ADAM10: variants seen among roughly 807,000 people sequenced by gnomAD.
ADAM10 encodes the protein disintegrin and metalloproteinase domain-containing protein 10.
A neutral mutation model predicts 90.1 loss-of-function variants in ADAM10; 17 were observed. The ratio of observed to expected loss-of-function variants is 0.19; its 90% CI spans 0.13 to 0.28. The LOEUF is 0.28. ADAM10 is among the 10% of genes least tolerant of loss of function. The pLI is 1.00. For synonymous variants in ADAM10, 310 were observed against 298.6 expected (o/e 1.04, Z -0.40); for missense variants, 610 against 914.3 (o/e 0.67, Z 4.29).
At position 58,594,059 on chromosome 15, in the gene ADAM10, T is replaced by G. The variant is rs184739052; in HGVS notation, c.*3488A>C. The G allele has an allele frequency of 3.9e-5, 6 of 152,340 alleles. No individual in the cohort carries two copies. The highest frequency in any genetic ancestry group is 8.8e-5 in the Non-Finnish European group (6 of 68,024). The allele number at this position is 152,340 out of a possible 1,614,324, so 9.4% of individuals were successfully genotyped here. ...TGGGGCAAACCAATTGTCTTTCTAG[T>G]TTCTAAGAAGTTGAAAGTGGTTTTG... On this transcript the variant is annotated 3_prime_UTR_variant, in exon 16 of 16. Transcript: ENST00000260408.
At chr15:58,712,369 T>C (rs1201173121) in intron 2 of ADAM10, among the ~76,000 whole-genome samples, 2 of 149,754 alleles carry the variant, frequency 1.3e-5, no homozygotes, top group African/African-American at 4.9e-5. Flanking sequence ...AAAAAAAATA[T>C]GAAAATTAGC....
At chr15:58,715,606 A>G (rs1898632412) in intron 2 of ADAM10, among the ~76,000 whole-genome samples, 1 of 152,126 alleles carries the variant, frequency 6.6e-6, no homozygotes, top group Non-Finnish European at 1.5e-5. Context: ...AACTGCTCCT[A>G]TGAGATCTAT....
intron 2 of ADAM10, among the ~76,000 whole-genome samples, chr15:58,710,242 C>CGTAG: frequency 6.6e-6 from 1 of 152,322 alleles, no homozygotes. Flanking sequence ...CACACCACTA[C>CGTAG]ACCCCAGCCT....
chr15:58,726,888 A>T (rs1899049521), intron 1 of ADAM10, among the ~76,000 whole-genome samples: 2 of 133,858 alleles, frequency 1.5e-5, no homozygotes, highest in Non-Finnish European at 3.2e-5. Context: ...AGGGGAGGGG[A>T]GAGGAGGGGA....
chr15:58,631,144 G>A (rs915283298), intron 9 of ADAM10, among the ~76,000 whole-genome samples: 1 of 152,074 alleles, frequency 6.6e-6, no homozygotes, highest in Non-Finnish European at 1.5e-5. Context: ...GCAGCCTGAG[G>A]CCCTTACCAG....
chr15:58,612,843 T>C (rs1442566545), intron 11 of ADAM10, among the ~76,000 whole-genome samples: 2 of 152,096 alleles, frequency 1.3e-5, no homozygotes, highest in Non-Finnish European at 2.9e-5. Flanking sequence ...GAGTCACAGA[T>C]CCTGGTGCTA....
At chr15:58,637,562 GTA>G (rs1896293789) in intron 8 of ADAM10, among the ~76,000 whole-genome samples, 1 of 152,108 alleles carries the variant, frequency 6.6e-6, no homozygotes, top group African/African-American at 2.4e-5. Context: ...TTATAGCTTA[GTA>G]TGATTTTATA....
At chr15:58,733,127 C>G (rs1277673061) in intron 1 of ADAM10, 1 of 152,256 alleles carries the variant, frequency 6.6e-6, no homozygotes, top group Non-Finnish European at 1.5e-5. Flanking sequence ...AGAGTTCACA[C>G]TGGACAGAGG....
intron 14 of ADAM10, 47 bp from the exon 15 acceptor site, chr15:58,599,771 T>C (rs1252845037): frequency 6.4e-7 from 1 of 1,554,712 alleles, no homozygotes; most frequent in Admixed American, 1.7e-5. Flanking sequence ...AACTACAAAA[T>C]ATTTTAGAGT....
At chr15:58,717,492 A>G (rs1898700575) in intron 2 of ADAM10, 85 bp downstream of exon 2, 1 of 1,552,124 alleles carries the variant, frequency 6.4e-7, no homozygotes. Flanking sequence ...GCATTAGAGA[A>G]GGAAAATTAA....
At chr15:58,721,564 C>T (rs1399086178) in intron 1 of ADAM10, among the ~76,000 whole-genome samples, 1 of 152,144 alleles carries the variant, frequency 6.6e-6, no homozygotes, top group Non-Finnish European at 1.5e-5. Context: ...CTGCCCCCAC[C>T]CCACACACAC....
chr15:58,612,066 A>T, intron 11 of ADAM10, 75 bp from the exon 12 acceptor site: 1 of 1,380,452 alleles, frequency 7.2e-7, no homozygotes, highest in South Asian at 1.2e-5. Flanking sequence ...ATTAGATTAG[A>T]TCCACATTAT....
At chr15:58,660,636 A>C (rs534890200) in intron 5 of ADAM10, among the ~76,000 whole-genome samples, 2 of 151,960 alleles carry the variant, frequency 1.3e-5, no homozygotes, top group South Asian at 2.1e-4. Flanking sequence ...CTTGCTATTT[A>C]TTTTCTATTT....
chr15:58,743,123 C>A (rs559338382), intron 1 of ADAM10, among the ~76,000 whole-genome samples: 1 of 151,954 alleles, frequency 6.6e-6, no homozygotes, highest in African/African-American at 2.4e-5. Flanking sequence ...TAGAGCTGCC[C>A]GTGTAAAAAC....
chr15:58,613,571 T>C (rs1895513873), intron 11 of ADAM10, among the ~76,000 whole-genome samples: 1 of 152,090 alleles, frequency 6.6e-6, no homozygotes, highest in South Asian at 2.1e-4. Context: ...AAACAATTCA[T>C]ATGAATGAGA....
chr15:58,684,184 G>A (rs1006223369), intron 2 of ADAM10, among the ~76,000 whole-genome samples: 4 of 152,074 alleles, frequency 2.6e-5, no homozygotes, highest in Admixed American at 6.6e-5. Context: ...GCAACCATGC[G>A]AATTATTTTC....
chr15:58,610,739 A>G (rs546317994), intron 13 of ADAM10: 106 of 649,150 alleles, frequency 1.6e-4, no homozygotes, highest in African/African-American at 1.1e-3. Context: ...AGTGTCCACG[A>G]TGACTTAAAG....
chr15:58,670,369 A>G (rs539918513), intron 4 of ADAM10, among the ~76,000 whole-genome samples: 60 of 152,278 alleles, frequency 3.9e-4, no homozygotes, highest in African/African-American at 1.4e-3. Context: ...CAAATGTCTG[A>G]CAATGCTACT....
intron 9 of ADAM10, among the ~76,000 whole-genome samples, chr15:58,632,088 C>A (rs527479924): frequency 8.5e-5 from 13 of 152,324 alleles, no homozygotes; most frequent in African/African-American, 3.1e-4. Flanking sequence ...AATTTACATA[C>A]AGTTTTCAAG....
Sources: gnomAD v4.1 joint callset for allele counts (sites outside exome capture counted in the v4.1 genomes callset) on GRCh38, gnomAD v4.1.1 for gene constraint, MANE v1.5 for transcripts, NCBI Gene and HGNC (gene_info 2026-07-23, HGNC 2026-07-21) for gene names.